MYBPC3: variants seen among roughly 807,000 people sequenced by gnomAD.
MYBPC3 encodes myosin binding protein C3.
Under a neutral mutation model 159.3 loss-of-function variants are expected in MYBPC3, and 108 were observed. The observed-to-expected ratio is 0.68, with a 90% CI of 0.58 to 0.80. The LOEUF (loss-of-function observed/expected upper bound fraction) is 0.80, where lower values mean the gene tolerates loss of function less well. MYBPC3 is among the 30% of genes least tolerant of loss of function. The probability of loss-of-function intolerance (pLI) is 0.00; values close to 1 mark genes in which losing one functional copy is unlikely to be tolerated. For synonymous variants in MYBPC3, 730 were observed against 702.0 expected, an observed-to-expected ratio of 1.04 and a Z score of -0.63; for missense variants, 1,631 against 1,762.1, an observed-to-expected ratio of 0.93 and a Z score of 1.33.
At chr11:47,336,633 C>T (rs1356265285) in intron 25 of MYBPC3, among the ~76,000 whole-genome samples, 1 of 152,292 alleles carries the variant, frequency 6.6e-6, no homozygotes, top group African/African-American at 2.4e-5. Context: ...CCCTTCTCCC[C>T]ACAGGCCCCG....
At position 47,343,594 on chromosome 11, in the gene MYBPC3, T is replaced by C; in HGVS notation, c.1121A>G (p.Gln374Arg). ...AFQKKLEPAY[Q>R]VSKGHKIRLT... Reference sequence around the variant, plus strand: ...CCGGATCTTGTGGCCTTTGCTCACCTGGTAGGCCGGCTCCAGCTTCTTCTG... The same window carrying C: ...CCGGATCTTGTGGCCTTTGCTCACCCGGTAGGCCGGCTCCAGCTTCTTCTG... The change falls in exon 13 of 35, where the codon CAG becomes CGG. Residue 374 changes from glutamine (Q) to arginine (R), a missense_variant. Physicochemically the swap from Gln to Arg is conservative, Grantham distance 43 (BLOSUM62 1). Coordinates refer to ENST00000545968, the MANE Select transcript of MYBPC3 (RefSeq NM_000256.3). The C allele has an allele frequency of 6.2e-7, 1 of 1,612,878 alleles. No homozygotes were observed. The highest frequency in any genetic ancestry group is 8.5e-7 in the Non-Finnish European group (1 of 1,179,582).
intron 5 of MYBPC3, among the ~76,000 whole-genome samples, chr11:47,348,930 A>ATATATATATATATATATATATATAT: frequency 6.4e-4 from 85 of 133,528 alleles, no homozygotes; most frequent in Non-Finnish European, 1.1e-3. Context: ...ATATATATTT[A>ATATATATATATATATATATATATAT]AAGGAGGCTG....
Position 47,332,359 on chromosome 11 carries a change from A to C in MYBPC3, c.3628-101T>G. 1 of 1,463,876 alleles carries C rather than the reference A, an allele frequency of 6.8e-7. No individual in the cohort carries two copies. Among genetic ancestry groups the C allele is most frequent in the Non-Finnish European group, 9.5e-7 (1 of 1,053,314 alleles). 90.7% of individuals were successfully genotyped at this position (1,463,876 alleles called of 1,614,324 possible). On this transcript the variant is annotated intron_variant, in intron 32 of 34. Transcript: ENST00000545968. The surrounding 1 kb of genome is among the most constrained non-coding windows in gnomAD (Gnocchi z 4.2). ...TCTGTGTTTCTACTCGGGGGGTCCC[A>C]CGAGAGTCCCTGACTATGCCCAAGG...
chr11:47,349,285 A>T (rs2095897840), intron 5 of MYBPC3, among the ~76,000 whole-genome samples: 1 of 152,076 alleles, frequency 6.6e-6, no homozygotes, highest in Non-Finnish European at 1.5e-5. Flanking sequence ...CCTATGTCTA[A>T]GTGACCTTGG....
chr11:47,338,579 G>A lies in MYBPC3; in HGVS notation c.2249C>T (p.Thr750Met), dbSNP rs727503189. ...GCCCACAGGGTTCTTCACTGTGACC[G>A]TGTAGACGCCCTCATCTTCCTTCTC... is the stretch of plus-strand genomic sequence containing the variant. ...GAEKEDEGVY[T>M]VTVKNPVGED... The change falls in exon 23 of 35, where the codon ACG (threonine) becomes ATG (methionine). Residue 750 changes from threonine to methionine, a missense_variant. Physicochemically the swap from Thr to Met is moderately conservative, Grantham distance 81 (BLOSUM62 -1). Transcript: ENST00000545968. The surrounding 1 kb of genome is among the most constrained non-coding windows in gnomAD (Gnocchi z 4.7). 3.8e-5 allele frequency: 62 copies of A among 1,613,924 alleles called. No individual in the cohort carries two copies. The highest frequency in any genetic ancestry group is 6.6e-5 in the South Asian group (6 of 91,086).
chr11:47,331,905 CTG>C, intron 33 of MYBPC3, 24 bp from the exon 34 acceptor site: 2 of 1,608,884 alleles, frequency 1.2e-6, no homozygotes, highest in East Asian at 2.2e-5. Context: ...GGCCATGTCA[CTG>C]TGTCCTCCCA....
chr11:47,332,891 C>G lies in MYBPC3; in HGVS notation c.3413G>C (p.Arg1138Pro), dbSNP rs187705120. ...ELIIGNGYYF[R>P]VFSQNMVGFS... ...GCCAACCATATTCTGGCTGAAGACGCGGAAGTAGTAGCCATTGCCAATGAT... is the reference window on the plus strand; with the variant it reads ...GCCAACCATATTCTGGCTGAAGACGGGGAAGTAGTAGCCATTGCCAATGAT... Residue 1138 changes from arginine (R) to proline (P), a missense_variant, in exon 31 of 35, where the codon CGC (arginine) becomes CCC (proline). Arg to Pro is a moderately radical substitution (Grantham distance 103, BLOSUM62 -2). Transcript: ENST00000545968. The surrounding 1 kb of genome is among the most constrained non-coding windows in gnomAD (Gnocchi z 4.2). 1.2e-6 allele frequency: 2 copies of G among 1,608,204 alleles called. No individual in the cohort carries two copies. The highest frequency in any genetic ancestry group is 1.7e-6 in the Non-Finnish European group (2 of 1,177,622).
chr11:47,349,603 G>A (rs1030657543), intron 5 of MYBPC3, among the ~76,000 whole-genome samples, 171 bp downstream of exon 5: 14 of 151,412 alleles, frequency 9.2e-5, no homozygotes, highest in African/African-American at 1.5e-4. Flanking sequence ...CCAGGCCTCC[G>A]GGATCTCCCT....
In MYBPC3 at chr11:47,331,553, T is replaced by A; in HGVS notation, c.*190A>T. ...CCAGGGGCTTCCTTCAGGAGCCCTG[T>A]GGACCAGTCTGTGCAACACCCACTC... is the stretch of plus-strand genomic sequence containing the variant. On this transcript the variant is annotated 3_prime_UTR_variant, in exon 35 of 35. Coordinates refer to ENST00000545968, the MANE Select transcript of MYBPC3 (RefSeq NM_000256.3). 1 of 336,428 alleles carries A rather than the reference T, an allele frequency of 3.0e-6. No individual in the cohort carries two copies. The highest frequency in any genetic ancestry group is 4.8e-5 in the East Asian group (1 of 20,706). The allele number at this position is 336,428 out of a possible 1,614,324, so 20.8% of individuals were successfully genotyped here.
In MYBPC3 at chr11:47,350,594, G is replaced by A. The variant is rs1595850245; in HGVS notation, c.314C>T (p.Ala105Val). Reference protein sequence around the residue: ...IEAEKAEPMLAPAPAPAEATG... With the variant: ...IEAEKAEPMLVPAPAPAEATG... ...GGCCTCAGCAGGGGCAGGGGCAGGGGCCAGCATGGGCTCTGCCTTCTCTGG... is the reference window on the plus strand; with the variant it reads ...GGCCTCAGCAGGGGCAGGGGCAGGGACCAGCATGGGCTCTGCCTTCTCTGG... The change falls in exon 3 of 35, where the codon GCC (alanine) becomes GTC (valine). Residue 105 changes from alanine to valine, a missense_variant. By Grantham distance (64) the Ala-to-Val change is moderately conservative. Transcript: ENST00000545968. 6.6e-7 allele frequency: 1 copy of A among 1,511,552 alleles called. No homozygotes were observed. Among genetic ancestry groups the A allele is most frequent in the Admixed American group, 2.8e-5 (1 of 36,132 alleles). The allele number at this position is 1,511,552 out of a possible 1,614,324, so 93.6% of individuals were successfully genotyped here. A position where few individuals can be genotyped will look rare whatever the true frequency, so the allele number is the denominator to read the frequency against.
chr11:47,331,637 C>T lies in MYBPC3; in HGVS notation c.*106G>A, dbSNP rs755799319. On this transcript the variant is annotated 3_prime_UTR_variant, in exon 35 of 35. Coordinates refer to ENST00000545968, the MANE Select transcript of MYBPC3 (RefSeq NM_000256.3). ...ATCGCAGCACAGGAGACACACTTGT[C>T]ACACATACATCCAACAGTAGGGAGG... 1 of 576,666 alleles carries T rather than the reference C, an allele frequency of 1.7e-6. No individual in the cohort carries two copies. The highest frequency in any genetic ancestry group is 2.9e-5 in the East Asian group (1 of 34,764). 35.7% of individuals were successfully genotyped at this position (576,666 alleles called of 1,614,324 possible). A position where few individuals can be genotyped will look rare whatever the true frequency, so the allele number is the denominator to read the frequency against.
intron 2 of MYBPC3, 65 bp from the exon 3 acceptor site, chr11:47,350,680 C>G: frequency 7.1e-7 from 1 of 1,409,944 alleles, no homozygotes; most frequent in Middle Eastern, 2.6e-4. Flanking sequence ...CCCTCTCTCT[C>G]CTGAGCATTG....
In MYBPC3 at chr11:47,343,051, C is replaced by T. The variant is rs193922377; in HGVS notation, c.1321G>A (p.Glu441Lys). The T allele has an allele frequency of 1.2e-4, 197 of 1,613,118 alleles. No homozygotes were observed. In the Middle Eastern group the frequency reaches 3.1e-3, roughly 26 times the overall value. The change falls in exon 15 of 35, where the codon GAG becomes AAG. Residue 441 changes from glutamate (E) to lysine (K), a missense_variant. Transcript: ENST00000545968. The part of the protein sequence containing the change: ...DAAYQCVVGG[E>K]KCSTELFVKE... ...ACAAAGAGCTCCGTGCTACACTTCT[C>T]GCCACCCACCACGCACTGGTAGGCT... is the stretch of plus-strand genomic sequence containing the variant.
intron 20 of MYBPC3, among the ~76,000 whole-genome samples, chr11:47,340,168 TACAC>T (rs1438268967): frequency 4.0e-5 from 6 of 149,966 alleles, no homozygotes; most frequent in South Asian, 4.2e-4. Flanking sequence ...CACATACACA[TACAC>T]ACATGCACAC....
intron 30 of MYBPC3, 73 bp downstream of exon 30, chr11:47,333,121 T>A: frequency 6.5e-7 from 1 of 1,545,236 alleles, no homozygotes. Context: ...GTGAGGACAG[T>A]GAAGGGTAGC....
intron 20 of MYBPC3, 69 bp downstream of exon 20, chr11:47,340,934 A>AG: frequency 7.0e-7 from 1 of 1,437,204 alleles, no homozygotes. Context: ...CTGTGAGTGG[A>AG]GGGGAGGCCT....
intron 1 of MYBPC3, 122 bp downstream of exon 1, chr11:47,352,501 G>A: frequency 7.6e-7 from 1 of 1,309,242 alleles, no homozygotes; most frequent in Non-Finnish European, 1.1e-6. Context: ...GGCTGCCCCT[G>A]TCCTGGGGCT....
At position 47,332,017 on chromosome 11, in the gene MYBPC3, C is replaced by G; in HGVS notation, c.3814+55G>C. 6.3e-7 allele frequency: 1 copy of G among 1,597,398 alleles called. No homozygotes were observed. Among genetic ancestry groups the G allele is most frequent in the Non-Finnish European group, 8.5e-7 (1 of 1,171,070 alleles). On this transcript the variant is annotated intron_variant, in intron 33 of 34. Transcript: ENST00000545968. The surrounding 1 kb of genome is among the most constrained non-coding windows in gnomAD (Gnocchi z 4.2). ...GGACAACGGAGCAAAGCCCAGGGTC[C>G]CCACTGCCGCCCGCTCTTCCCATCT...
intron 2 of MYBPC3, 54 bp from the exon 3 acceptor site, chr11:47,350,669 A>C (rs2095899854): frequency 7.0e-7 from 1 of 1,420,144 alleles, no homozygotes; most frequent in South Asian, 1.6e-5. Context: ...AGACCCCTCC[A>C]CCCTCTCTCT....
Sources: allele counts gnomAD v4.1 joint callset (sites outside exome capture counted in the v4.1 genomes callset), GRCh38; gene constraint gnomAD v4.1.1; non-coding constraint Gnocchi (gnomAD v3.1); transcripts MANE v1.5; gene names NCBI Gene and HGNC (gene_info 2026-07-23, HGNC 2026-07-21).